The following ZNF503 variants were observed in gnomAD, a reference collection of about 807,000 sequenced individuals.
ZNF503 encodes NocA-like zinc finger 2.
Under a neutral mutation model 34.4 loss-of-function variants are expected in ZNF503, and 15 were observed. That is an observed-to-expected ratio of 0.44 (90% CI 0.29 to 0.67). The LOEUF (loss-of-function observed/expected upper bound fraction) is 0.67. Ranked by LOEUF, ZNF503 falls within the 30% of genes least tolerant of loss-of-function variation. The pLI is 0.13. For synonymous variants in ZNF503, 580 were observed against 456.8 expected (o/e 1.27, Z -3.44); for missense variants, 1,007 against 926.8 (o/e 1.09, Z -1.12).
chr10:75,401,502 G>C lies in ZNF503; in HGVS notation c.-83C>G. Reference sequence around the variant, plus strand: ...GCTCGGGGCTGCGCGCTCGCCCCGGGAGCAGGAGCAGCGGGAGGAGGAGGA... The same window carrying C: ...GCTCGGGGCTGCGCGCTCGCCCCGGCAGCAGGAGCAGCGGGAGGAGGAGGA... On this transcript the variant is annotated 5_prime_UTR_variant, in exon 1 of 2. Coordinates refer to ENST00000372524, the MANE Select transcript of ZNF503 (RefSeq NM_032772.6). The C allele has an allele frequency of 6.9e-7, 1 of 1,455,236 alleles. No individual in the cohort carries two copies. Among genetic ancestry groups the C allele is most frequent in the Non-Finnish European group, 9.1e-7 (1 of 1,102,738 alleles). The allele number at this position is 1,455,236 out of a possible 1,614,324, so 90.1% of individuals were successfully genotyped here. A position where few individuals can be genotyped will look rare whatever the true frequency, so the allele number is the denominator to read the frequency against.
At chr10:75,354,880 C>CT in the ZNF503 span, among the ~76,000 whole-genome samples, 4 of 152,194 alleles carry the variant, frequency 2.6e-5, no homozygotes, top group Non-Finnish European at 5.9e-5. Flanking sequence ...GAGTCTCACT[C>CT]TATCGCCCAG....
chr10:75,283,543 C>T, the ZNF503 span, among the ~76,000 whole-genome samples: 1 of 152,144 alleles, frequency 6.6e-6, no homozygotes, highest in Non-Finnish European at 1.5e-5. Context: ...GTGGAGAGAA[C>T]TGTCGTCCCC....
the ZNF503 span, chr10:75,338,513 G>A: frequency 1.3e-5 from 2 of 152,228 alleles, no homozygotes; most frequent in Non-Finnish European, 2.9e-5. Context: ...ATTGATGTTA[G>A]CAATTATAAA....
chr10:75,392,840 C>G (rs984041763), downstream of ZNF503, among the ~76,000 whole-genome samples: 10 of 152,304 alleles, frequency 6.6e-5, no homozygotes, highest in East Asian at 1.2e-3. Context: ...CCAGTATGAA[C>G]TAGGCAGTAG....
At chr10:75,335,928 T>C in the ZNF503 span, among the ~76,000 whole-genome samples, 1 of 152,216 alleles carries the variant, frequency 6.6e-6, no homozygotes, top group Non-Finnish European at 1.5e-5. Flanking sequence ...ACTTTTAACC[T>C]TTCTCTGTTC....
chr10:75,374,262 A>G, the ZNF503 span, among the ~76,000 whole-genome samples: 1 of 152,210 alleles, frequency 6.6e-6, no homozygotes, highest in Non-Finnish European at 1.5e-5. Flanking sequence ...AGATCACGCC[A>G]CTGCCCTCTA....
chr10:75,322,579 C>T, the ZNF503 span, among the ~76,000 whole-genome samples: 1 of 151,870 alleles, frequency 6.6e-6, no homozygotes, highest in South Asian at 2.1e-4. Context: ...CTTATAATAC[C>T]AGCACTTTGG....
At chr10:75,321,986 T>G in the ZNF503 span, among the ~76,000 whole-genome samples, 1 of 152,234 alleles carries the variant, frequency 6.6e-6, no homozygotes, top group South Asian at 2.1e-4. Context: ...CTTAGAATTA[T>G]TTTAGTAGTT....
At chr10:75,340,158 G>A in the ZNF503 span, among the ~76,000 whole-genome samples, 1,023 of 145,854 alleles carry the variant, frequency 7.0e-3, 62 homozygotes, top group East Asian at 0.14. Flanking sequence ...GGTGGGGGCC[G>A]GGGGGAGGGG....
downstream of ZNF503, among the ~76,000 whole-genome samples, chr10:75,394,551 C>A (rs956565267): frequency 2.6e-5 from 4 of 152,250 alleles, no homozygotes; most frequent in Non-Finnish European, 4.4e-5. Flanking sequence ...GCTGCTGGAG[C>A]TGCAGCCTTA....
chr10:75,377,789 G>C, the ZNF503 span, among the ~76,000 whole-genome samples: 1 of 152,214 alleles, frequency 6.6e-6, no homozygotes, highest in Non-Finnish European at 1.5e-5. Flanking sequence ...AGAACACTGT[G>C]TTAGTCCATT....
At chr10:75,324,125 T>C in the ZNF503 span, among the ~76,000 whole-genome samples, 2 of 152,126 alleles carry the variant, frequency 1.3e-5, no homozygotes, top group African/African-American at 2.4e-5. Context: ...TTTGCTTTTG[T>C]ATTCTTTTAA....
the ZNF503 span, among the ~76,000 whole-genome samples, chr10:75,356,574 T>G: frequency 2.2e-4 from 34 of 152,334 alleles, 1 homozygote; most frequent in Admixed American, 2.0e-3. Flanking sequence ...GAGGAAGCTC[T>G]CCACGTGAGA....
the ZNF503 span, among the ~76,000 whole-genome samples, chr10:75,364,567 A>G: frequency 6.6e-6 from 1 of 152,154 alleles, no homozygotes; most frequent in East Asian, 1.9e-4. Flanking sequence ...GGGAGCAGAA[A>G]CCAGAGACAG....
Position 75,401,228 on chromosome 10 carries a change from G to A in ZNF503, c.192C>T (p.Asp64=), listed in dbSNP as rs554926686. The change falls in exon 1 of 2, where the codon GAC becomes GAT. Residue 64 remains aspartate, a synonymous_variant. Transcript: ENST00000372524. ...GCAGGCGGTTGGCCTGGCGCAGGGG[G>A]TCAGAGGGGGGCACGGCGTGCACAA... ...KPFVHAVPPS[D]PLRQANRLPI... is the part of the protein sequence containing the mutation. 33 of 1,608,658 alleles carry A rather than the reference G, an allele frequency of 2.1e-5. No homozygotes were observed. Among genetic ancestry groups the A allele is most frequent in the African/African-American group, 1.5e-4 (11 of 74,936 alleles).
At chr10:75,346,931 A>C in the ZNF503 span, among the ~76,000 whole-genome samples, 5 of 151,934 alleles carry the variant, frequency 3.3e-5, no homozygotes. Flanking sequence ...TACAGGCGTT[A>C]GCTGCCGCGC....
chr10:75,332,481 T>A, the ZNF503 span, among the ~76,000 whole-genome samples: 43 of 138,024 alleles, frequency 3.1e-4, no homozygotes, highest in Admixed American at 2.8e-3. Flanking sequence ...TTTTTTTTTT[T>A]AATTTATTTT....
chr10:75,389,366 T>C, the ZNF503 span, among the ~76,000 whole-genome samples: 1 of 152,178 alleles, frequency 6.6e-6, no homozygotes, highest in Non-Finnish European at 1.5e-5. Flanking sequence ...CTCCTCCCAG[T>C]GCCCTCTTGG....
chr10:75,331,215 C>G, the ZNF503 span, among the ~76,000 whole-genome samples: 2 of 152,108 alleles, frequency 1.3e-5, no homozygotes. Context: ...GCTTTGTGGC[C>G]AAACATGTGG....
Sources: gnomAD v4.1 joint callset for allele counts (sites outside exome capture counted in the v4.1 genomes callset) on GRCh38, gnomAD v4.1.1 for gene constraint, MANE v1.5 for transcripts, NCBI Gene and HGNC (gene_info 2026-07-23, HGNC 2026-07-21) for gene names.